SNTB1: variants seen among roughly 807,000 people sequenced by gnomAD.
SNTB1 encodes syntrophin beta 1, also known as beta-1-syntrophin.
Under a neutral mutation model 48.9 loss-of-function variants are expected in SNTB1, and 36 were observed. The observed-to-expected ratio is 0.74, with a 90% CI of 0.56 to 0.97. The LOEUF is 0.97. Ranked by LOEUF, SNTB1 falls within the 50% of genes least tolerant of loss-of-function variation. SNTB1 has a pLI of 0.00. For missense variants in SNTB1, 786 were observed against 703.4 expected, an observed-to-expected ratio of 1.12 and a Z score of -1.33; for synonymous variants, 299 against 294.6, an observed-to-expected ratio of 1.01 and a Z score of -0.15.
chr8:120,578,242 G>C (rs1815982398), intron 3 of SNTB1, among the ~76,000 whole-genome samples: 1 of 150,184 alleles, frequency 6.7e-6, no homozygotes, highest in Admixed American at 6.7e-5. Flanking sequence ...GGATTTCACT[G>C]TGTTAGCCAG....
chr8:120,808,441 A>C (rs1435286142), intron 1 of SNTB1, among the ~76,000 whole-genome samples: 1 of 152,216 alleles, frequency 6.6e-6, no homozygotes, highest in Non-Finnish European at 1.5e-5. Context: ...ACACCATAGT[A>C]CAAAAAAAGT....
At chr8:120,560,255 G>A (rs1285160309) in intron 4 of SNTB1, among the ~76,000 whole-genome samples, 2 of 152,180 alleles carry the variant, frequency 1.3e-5, no homozygotes, top group Non-Finnish European at 2.9e-5. Flanking sequence ...GGCCGAGTCA[G>A]GCAGATCACC....
At chr8:120,735,970 C>A (rs976160030) in intron 1 of SNTB1, among the ~76,000 whole-genome samples, 1 of 152,088 alleles carries the variant, frequency 6.6e-6, no homozygotes, top group Admixed American at 6.5e-5. Context: ...ATAAAGAATT[C>A]CCCGAGACTG....
intron 1 of SNTB1, among the ~76,000 whole-genome samples, chr8:120,798,739 A>AGGG (rs1464633251): frequency 5.9e-5 from 9 of 152,058 alleles, no homozygotes; most frequent in Non-Finnish European, 2.9e-5. Context: ...CAAGGATAAT[A>AGGG]TATTCAATCT....
intron 1 of SNTB1, among the ~76,000 whole-genome samples, chr8:120,800,933 T>C (rs575015329): frequency 6.6e-6 from 1 of 152,150 alleles, no homozygotes; most frequent in East Asian, 1.9e-4. Context: ...TAAAATATAT[T>C]CTAGTATGAA....
chr8:120,581,585 C>A (rs567026562), intron 3 of SNTB1, among the ~76,000 whole-genome samples: 6 of 151,840 alleles, frequency 4.0e-5, no homozygotes, highest in African/African-American at 1.4e-4. Flanking sequence ...GCCTCGGCAA[C>A]AGAGTGAGAC....
intron 1 of SNTB1, among the ~76,000 whole-genome samples, chr8:120,796,354 C>G (rs1169175134): frequency 2.0e-5 from 3 of 152,028 alleles, no homozygotes; most frequent in African/African-American, 2.4e-5. Context: ...CACTTGATTA[C>G]TTCTATAAAG....
chr8:120,641,316 G>T (rs1200936825), intron 2 of SNTB1, among the ~76,000 whole-genome samples: 1 of 152,054 alleles, frequency 6.6e-6, no homozygotes, highest in Non-Finnish European at 1.5e-5. Context: ...GTTATCAACT[G>T]GCTTTTCAAG....
intron 6 of SNTB1, among the ~76,000 whole-genome samples, chr8:120,539,955 A>C (rs1349431201): frequency 6.6e-6 from 1 of 152,214 alleles, no homozygotes; most frequent in Non-Finnish European, 1.5e-5. Context: ...TGAAATATAG[A>C]TCTTACAGTA....
intron 1 of SNTB1, among the ~76,000 whole-genome samples, chr8:120,703,605 AAAG>A (rs1818338733): frequency 6.6e-6 from 1 of 152,204 alleles, no homozygotes; most frequent in Non-Finnish European, 1.5e-5. Flanking sequence ...TTTTCCTTAA[AAAG>A]CCAGAGAAAA....
At chr8:120,596,821 G>C (rs1385419121) in intron 3 of SNTB1, among the ~76,000 whole-genome samples, 1 of 152,110 alleles carries the variant, frequency 6.6e-6, no homozygotes, top group Non-Finnish European at 1.5e-5. Context: ...TCTTTTAAGG[G>C]CTTATGTGAT....
At chr8:120,774,575 A>G (rs2130110964) in intron 1 of SNTB1, among the ~76,000 whole-genome samples, 1 of 152,288 alleles carries the variant, frequency 6.6e-6, no homozygotes, top group African/African-American at 2.4e-5. Flanking sequence ...GGTGAATTCA[A>G]GGTTTCTAGC....
At chr8:120,806,104 C>T (rs6985486) in intron 1 of SNTB1, among the ~76,000 whole-genome samples, 27,763 of 152,214 alleles carry the variant, frequency 0.18, 5,349 homozygotes, top group African/African-American at 0.47. Flanking sequence ...TACAAAGTGA[C>T]GAGGCAGAAT....
chr8:120,576,064 C>T (rs1815945912), intron 3 of SNTB1, among the ~76,000 whole-genome samples: 1 of 152,178 alleles, frequency 6.6e-6, no homozygotes, highest in African/African-American at 2.4e-5. Flanking sequence ...AGTGAATGCT[C>T]AATTCTTGCT....
intron 3 of SNTB1, among the ~76,000 whole-genome samples, chr8:120,591,643 T>C (rs973243399): frequency 2.6e-5 from 4 of 152,218 alleles, no homozygotes; most frequent in Admixed American, 1.3e-4. Context: ...CAGTAAATGC[T>C]TCTTTTGCAC....
intron 3 of SNTB1, among the ~76,000 whole-genome samples, chr8:120,575,667 C>T (rs1815939161): frequency 6.6e-6 from 1 of 152,078 alleles, no homozygotes; most frequent in South Asian, 2.1e-4. Context: ...AAATGTCTAC[C>T]CAGACAGAGT....
At chr8:120,609,540 GC>G (rs1816585221) in intron 3 of SNTB1, among the ~76,000 whole-genome samples, 1 of 152,196 alleles carries the variant, frequency 6.6e-6, no homozygotes, top group Non-Finnish European at 1.5e-5. Context: ...GTGTTGGAGA[GC>G]CCTGTCAATA....
chr8:120,771,826 C>G (rs944269440), intron 1 of SNTB1, among the ~76,000 whole-genome samples: 1 of 151,932 alleles, frequency 6.6e-6, no homozygotes, highest in African/African-American at 2.4e-5. Context: ...AGTGTTTCAA[C>G]ACATTTTGTA....
intron 3 of SNTB1, among the ~76,000 whole-genome samples, chr8:120,623,012 G>GAAGTCCAA (rs1816818135): frequency 6.6e-6 from 1 of 152,202 alleles, no homozygotes; most frequent in Admixed American, 6.5e-5. Context: ...GGCTTAAAGT[G>GAAGTCCAA]GGAGAACTCT....
Sources: allele counts gnomAD v4.1 joint callset (sites outside exome capture counted in the v4.1 genomes callset), GRCh38; gene constraint gnomAD v4.1.1; transcripts MANE v1.5; gene names NCBI Gene and HGNC (gene_info 2026-07-23, HGNC 2026-07-21).